Variants in SLC24A3 observed in about 807,000 individuals in gnomAD.
SLC24A3 encodes the protein solute carrier family 24 member 3, also known as sodium/potassium/calcium exchanger 3.
Under a neutral mutation model 75.8 loss-of-function variants are expected in SLC24A3, and 28 were observed. The observed-to-expected ratio is 0.37, with a 90% CI of 0.27 to 0.51. SLC24A3 has a LOEUF of 0.51. Among genes scored for constraint, SLC24A3 ranks in the 20% least tolerant of loss-of-function variants. The probability of loss-of-function intolerance (pLI) is 0.94; values close to 1 mark genes in which losing one functional copy is unlikely to be tolerated. For missense variants in SLC24A3, 663 were observed against 847.8 expected (o/e 0.78, Z 2.71); for synonymous variants, 372 against 334.1 (o/e 1.11, Z -1.24).
intron 1 of SLC24A3, among the ~76,000 whole-genome samples, chr20:19,279,802 C>G (rs924480986): frequency 6.6e-6 from 1 of 152,140 alleles, no homozygotes; most frequent in Admixed American, 6.5e-5. Context: ...ACATGGATGT[C>G]CAAGGTGATG....
At chr20:19,412,590 G>A (rs942740623) in intron 2 of SLC24A3, among the ~76,000 whole-genome samples, 1 of 151,348 alleles carries the variant, frequency 6.6e-6, no homozygotes, top group African/African-American at 2.4e-5. Flanking sequence ...AGGAGGGCAG[G>A]AAGAGAAAGA....
chr20:19,560,020 C>CA (rs2030849624), intron 3 of SLC24A3, among the ~76,000 whole-genome samples: 1 of 152,130 alleles, frequency 6.6e-6, no homozygotes, highest in Non-Finnish European at 1.5e-5. Context: ...AACTGATTTA[C>CA]AACAGTCCTG....
intron 2 of SLC24A3, among the ~76,000 whole-genome samples, chr20:19,374,004 G>A (rs1273945896): frequency 6.6e-6 from 1 of 152,126 alleles, no homozygotes; most frequent in Non-Finnish European, 1.5e-5. Flanking sequence ...GTTGTCACTT[G>A]GCCACTAATG....
At chr20:19,555,551 A>G (rs1360209326) in intron 3 of SLC24A3, among the ~76,000 whole-genome samples, 1 of 152,220 alleles carries the variant, frequency 6.6e-6, no homozygotes, top group Non-Finnish European at 1.5e-5. Context: ...ACTGGTCTAC[A>G]GAGACTTAAA....
chr20:19,547,883 C>T (rs2030626807), intron 3 of SLC24A3, among the ~76,000 whole-genome samples: 3 of 152,262 alleles, frequency 2.0e-5, no homozygotes, highest in South Asian at 2.1e-4. Flanking sequence ...GCCCAGAAGT[C>T]AGGACATCTT....
At chr20:19,558,637 T>A (rs902106584) in intron 3 of SLC24A3, among the ~76,000 whole-genome samples, 31 of 152,274 alleles carry the variant, frequency 2.0e-4, no homozygotes, top group African/African-American at 7.0e-4. Flanking sequence ...AAGTTTGTCA[T>A]CTCTTTCCTC....
Position 19,537,212 on chromosome 20 carries a change from C to T in SLC24A3, c.348+21648C>T, listed in dbSNP as rs991669717. ...ACAAACAACCCCATCAAAAAGTGGG[C>T]GAAGGATATGAACAGACACTTCTCA... is the stretch of plus-strand genomic sequence containing the variant. On this transcript the variant is annotated intron_variant, in intron 3 of 16. Coordinates refer to ENST00000328041, the MANE Select transcript of SLC24A3 (RefSeq NM_020689.4). Among the ~76,000 whole-genome samples, 71 of 150,474 alleles carry T rather than the reference C, an allele frequency of 4.7e-4. 2 individuals carry two copies. Among genetic ancestry groups the T allele is most frequent in the Middle Eastern group, 3.4e-3 (1 of 292 alleles).
intron 2 of SLC24A3, among the ~76,000 whole-genome samples, chr20:19,495,385 C>T (rs1229757992): frequency 1.3e-5 from 2 of 152,200 alleles, no homozygotes; most frequent in Non-Finnish European, 2.9e-5. Flanking sequence ...CTTTCCAGCC[C>T]TTTCCTTCTC....
chr20:19,673,410 G>A (rs762283547), intron 8 of SLC24A3, among the ~76,000 whole-genome samples, 191 bp from the exon 9 acceptor site: 2 of 152,234 alleles, frequency 1.3e-5, no homozygotes, highest in Admixed American at 1.3e-4. Context: ...GGTGAGGAGA[G>A]AAGAGAAAGA....
intron 2 of SLC24A3, among the ~76,000 whole-genome samples, chr20:19,376,152 G>T (rs1465455253): frequency 6.6e-6 from 1 of 152,126 alleles, no homozygotes; most frequent in Non-Finnish European, 1.5e-5. Flanking sequence ...ATGAAGGAAA[G>T]AGGAAAACAG....
chr20:19,263,033 T>TCGTGTG (rs367686088), intron 1 of SLC24A3, among the ~76,000 whole-genome samples: 2 of 143,140 alleles, frequency 1.4e-5, no homozygotes, highest in Non-Finnish European at 3.1e-5. Flanking sequence ...ACTCCAGCCT[T>TCGTGTG]TGTGTGTGTG....
At chr20:19,232,777 G>A (rs1982059149) in intron 1 of SLC24A3, among the ~76,000 whole-genome samples, 1 of 152,180 alleles carries the variant, frequency 6.6e-6, no homozygotes, top group African/African-American at 2.4e-5. Context: ...TATTTAGAGG[G>A]AATTCTCACC....
intron 2 of SLC24A3, among the ~76,000 whole-genome samples, chr20:19,350,406 G>A (rs1165672489): frequency 6.6e-6 from 1 of 151,848 alleles, no homozygotes; most frequent in Non-Finnish European, 1.5e-5. Context: ...CTCTTTTTAT[G>A]ATGACTTTTT....
intron 14 of SLC24A3, 145 bp downstream of exon 14, chr20:19,697,056 A>G: frequency 1.6e-6 from 1 of 620,660 alleles, no homozygotes; most frequent in East Asian, 2.8e-5. Context: ...GGAGGGAGTG[A>G]AGGAAAGAAG....
chr20:19,707,518 A>G (rs974212635), intron 15 of SLC24A3, among the ~76,000 whole-genome samples: 2 of 152,256 alleles, frequency 1.3e-5, no homozygotes, highest in Non-Finnish European at 2.9e-5. Context: ...TAGCAAGGCA[A>G]TGGCATGATT....
chr20:19,717,456 GC>G (rs2033056272), intron 15 of SLC24A3, 71 bp from the exon 16 acceptor site: 1 of 1,510,346 alleles, frequency 6.6e-7, no homozygotes, highest in Non-Finnish European at 9.2e-7. Context: ...GTAGGCAGAT[GC>G]CTTTTCCAAA....
At chr20:19,421,379 G>C (rs972797683) in intron 2 of SLC24A3, among the ~76,000 whole-genome samples, 1 of 149,184 alleles carries the variant, frequency 6.7e-6, no homozygotes, top group Admixed American at 6.7e-5. Context: ...CAAAAAGTGG[G>C]CGAAGGACAT....
intron 1 of SLC24A3, among the ~76,000 whole-genome samples, chr20:19,276,142 C>G (rs1983480013): frequency 6.6e-6 from 1 of 152,166 alleles, no homozygotes; most frequent in African/African-American, 2.4e-5. Flanking sequence ...ATCCCCTTCA[C>G]CTTCCCACCC....
chr20:19,277,063 C>T (rs1220244773), intron 1 of SLC24A3, among the ~76,000 whole-genome samples: 1 of 152,210 alleles, frequency 6.6e-6, no homozygotes, highest in Non-Finnish European at 1.5e-5. Flanking sequence ...GTGCAGGCTG[C>T]ATTATTGAGC....
Sources: gnomAD v4.1 joint callset for allele counts (sites outside exome capture counted in the v4.1 genomes callset) on GRCh38, gnomAD v4.1.1 for gene constraint, MANE v1.5 for transcripts, NCBI Gene and HGNC (gene_info 2026-07-23, HGNC 2026-07-21) for gene names.